CRB1: variants seen among roughly 807,000 people sequenced by gnomAD.
The protein encoded by CRB1 is crumbs cell polarity complex component 1, also known as protein crumbs homolog 1.
CRB1 carries 83 observed loss-of-function variants against 120.0 expected under a neutral mutation model. The ratio of observed to expected loss-of-function variants is 0.69; its 90% CI spans 0.58 to 0.83. The LOEUF (loss-of-function observed/expected upper bound fraction) is 0.83. Ranked by LOEUF, CRB1 falls within the 40% of genes least tolerant of loss-of-function variation. CRB1 has a pLI of 0.00. For synonymous variants in CRB1, 625 were observed against 612.5 expected, an observed-to-expected ratio of 1.02 and a Z score of -0.30; for missense variants, 1,699 against 1,687.6, an observed-to-expected ratio of 1.01 and a Z score of -0.12.
At chr1:197,341,329 G>C (rs913020009) in intron 2 of CRB1, among the ~76,000 whole-genome samples, 2 of 152,124 alleles carry the variant, frequency 1.3e-5, no homozygotes, top group Non-Finnish European at 2.9e-5. Context: ...GATCACTTGA[G>C]GTCAGGAGTT....
At chr1:197,321,444 G>A (rs1490314606) in intron 1 of CRB1, among the ~76,000 whole-genome samples, 1 of 152,162 alleles carries the variant, frequency 6.6e-6, no homozygotes, top group Non-Finnish European at 1.5e-5. Context: ...TGAGTCACCT[G>A]ACAGAAACAA....
Position 197,364,576 on chromosome 1 carries a change from G to A in CRB1, c.1171+7563G>A, listed in dbSNP as rs572277184. Among the ~76,000 whole-genome samples the A allele has an allele frequency of 2.6e-5, 4 of 151,656 alleles. No individual in the cohort carries two copies. In the East Asian group the frequency reaches 7.8e-4, roughly 29 times the overall value. ...TTTCTGAGGCTCTGTTTTTATTTTT[G>A]TTTCAGTCTATTTTCTGCCTTTTGC... On this transcript the variant is annotated intron_variant, in intron 5 of 11. Coordinates refer to ENST00000367400, the MANE Select transcript of CRB1 (RefSeq NM_201253.3).
intron 4 of CRB1, among the ~76,000 whole-genome samples, chr1:197,356,221 C>T (rs1440083003): frequency 6.6e-6 from 1 of 152,134 alleles, no homozygotes; most frequent in East Asian, 1.9e-4. Flanking sequence ...CTTACAGTTG[C>T]TCGTATTTAT....
chr1:197,218,593 A>T, the CRB1 span, among the ~76,000 whole-genome samples: 1 of 152,210 alleles, frequency 6.6e-6, no homozygotes, highest in Non-Finnish European at 1.5e-5. Flanking sequence ...AGTTGGATCC[A>T]TAACCCCAAG....
At position 197,347,349 on chromosome 1, in the gene CRB1, T is replaced by C. The variant is rs138168156; in HGVS notation, c.858T>C (p.Cys286=). The part of the protein sequence containing the change: ...LCVDGENRYS[C]NCTGSGFTGT... ...TTCATTTACTTTCCAGATATAGCTG[T>C]AACTGCACGGGTAGTGGATTCACAG... Residue 286 remains cysteine (C), a synonymous_variant, in exon 4 of 12, where the codon TGT becomes TGC. Transcript: ENST00000367400. The C allele has an allele frequency of 2.5e-6, 4 of 1,613,922 alleles. No homozygotes were observed. Among genetic ancestry groups the C allele is most frequent in the African/African-American group, 2.7e-5 (2 of 75,038 alleles).
At chr1:197,222,277 T>A in the CRB1 span, 1 of 592,822 alleles carries the variant, frequency 1.7e-6, no homozygotes, top group Non-Finnish European at 3.2e-6. Context: ...GGGAACGAGT[T>A]TAGTTCTTGG....
chr1:197,380,103 A>G (rs1661871875), intron 5 of CRB1, among the ~76,000 whole-genome samples: 1 of 152,230 alleles, frequency 6.6e-6, no homozygotes, highest in African/African-American at 2.4e-5. Flanking sequence ...GAGATTTTCT[A>G]CTTAACACCT....
chr1:197,233,968 TTGTGTTTCACAGG>T, the CRB1 span, among the ~76,000 whole-genome samples: 2 of 152,176 alleles, frequency 1.3e-5, no homozygotes, highest in Non-Finnish European at 2.9e-5. Flanking sequence ...TCTCCTCCTT[TTGTGTTTCACAGG>T]TGTTACCTCC....
chr1:197,271,522 A>G (rs1654907805), intron 1 of CRB1, among the ~76,000 whole-genome samples: 1 of 152,096 alleles, frequency 6.6e-6, no homozygotes, highest in African/African-American at 2.4e-5. Context: ...GTTGCAATGA[A>G]TTTGTCCTGA....
the CRB1 span, among the ~76,000 whole-genome samples, chr1:197,205,112 A>G: frequency 1.3e-5 from 2 of 152,320 alleles, no homozygotes; most frequent in Non-Finnish European, 2.9e-5. Context: ...CATTAATTTT[A>G]TATCCTAAAA....
rs1200890490 is a variant in CRB1, at chr1:197,317,420, A to G, written c.71-11002A>G. On this transcript the variant is annotated intron_variant, in intron 1 of 11. Coordinates refer to ENST00000367400, the MANE Select transcript of CRB1 (RefSeq NM_201253.3). ...GTGACAGAGTGAGACTCTGCCTCAAAAAAACAAAAAACAAAACAAAACAAA... is the reference window on the plus strand; with the variant it reads ...GTGACAGAGTGAGACTCTGCCTCAAGAAAACAAAAAACAAAACAAAACAAA... 1.3e-5 allele frequency among the ~76,000 whole-genome samples: 2 copies of G among 152,190 alleles called. 1 individual carries two copies. Among genetic ancestry groups the G allele is most frequent in the Non-Finnish European group, 2.9e-5 (2 of 68,028 alleles).
At chr1:197,314,055 C>T (rs1415214) in intron 1 of CRB1, among the ~76,000 whole-genome samples, 104,946 of 152,028 alleles carry the variant, frequency 0.69, 36,438 homozygotes, top group East Asian at 0.92. Context: ...GTTCTTGGAT[C>T]GACATCTTCC....
intron 2 of CRB1, among the ~76,000 whole-genome samples, chr1:197,329,990 T>C (rs948911097): frequency 3.3e-5 from 5 of 152,226 alleles, no homozygotes; most frequent in Non-Finnish European, 7.3e-5. Flanking sequence ...CACTTAGTTC[T>C]TTATTTTGTC....
At chr1:197,427,106 A>G (rs1664622026) in intron 6 of CRB1, among the ~76,000 whole-genome samples, 1 of 152,178 alleles carries the variant, frequency 6.6e-6, no homozygotes, top group Non-Finnish European at 1.5e-5. Flanking sequence ...GTAGTGTCTG[A>G]TATACCACCA....
At chr1:197,238,268 T>C in the CRB1 span, among the ~76,000 whole-genome samples, 1 of 152,034 alleles carries the variant, frequency 6.6e-6, no homozygotes, top group African/African-American at 2.4e-5. Flanking sequence ...TGTGGAAACA[T>C]AGAAACAAAT....
At chr1:197,374,549 G>A (rs1292058875) in intron 5 of CRB1, among the ~76,000 whole-genome samples, 1 of 152,052 alleles carries the variant, frequency 6.6e-6, no homozygotes, top group Non-Finnish European at 1.5e-5. Flanking sequence ...ATATAACAAT[G>A]TTATTTCTTC....
intron 8 of CRB1, among the ~76,000 whole-genome samples, chr1:197,432,295 A>G (rs2125494413): frequency 6.6e-6 from 1 of 151,972 alleles, no homozygotes; most frequent in African/African-American, 2.4e-5. Context: ...TTACTTAAAA[A>G]CATGTAATGA....
intron 5 of CRB1, among the ~76,000 whole-genome samples, chr1:197,358,684 G>A (rs1239293315): frequency 6.6e-6 from 1 of 152,108 alleles, no homozygotes; most frequent in Non-Finnish European, 1.5e-5. Context: ...TTCCAAATTT[G>A]CTGTGCTCTT....
intron 1 of CRB1, among the ~76,000 whole-genome samples, chr1:197,287,967 T>C (rs149528125): frequency 1.3e-5 from 2 of 151,700 alleles, no homozygotes; most frequent in East Asian, 2.0e-4. Flanking sequence ...CCCTAAGAAA[T>C]GGAAAACAAA....
Sources: allele counts gnomAD v4.1 joint callset (sites outside exome capture counted in the v4.1 genomes callset), GRCh38; gene constraint gnomAD v4.1.1; transcripts MANE v1.5; gene names NCBI Gene and HGNC (gene_info 2026-07-23, HGNC 2026-07-21).